Variants in CD22 observed in about 807,000 individuals in gnomAD.
CD22 encodes the protein CD22 molecule.
A neutral mutation model predicts 94.7 loss-of-function variants in CD22; 51 were observed. That is an observed-to-expected ratio of 0.54 (90% CI 0.43 to 0.68). The LOEUF (loss-of-function observed/expected upper bound fraction) is 0.68. Ranked by LOEUF, CD22 falls within the 30% of genes least tolerant of loss-of-function variation. The probability of loss-of-function intolerance (pLI) is 0.00; values close to 1 mark genes in which losing one functional copy is unlikely to be tolerated. For missense variants in CD22, 931 were observed against 1,060.4 expected (o/e 0.88, Z 1.69); for synonymous variants, 424 against 422.5 (o/e 1.00, Z -0.04).
At chr19:35,345,474 G>A (rs2066891297) in intron 11 of CD22, 128 bp from the exon 12 acceptor site, 1 of 644,120 alleles carries the variant, frequency 1.6e-6, no homozygotes, top group Non-Finnish European at 2.8e-6. Flanking sequence ...CTGTGAAGCT[G>A]AGTGGGGAAA....
In CD22 at chr19:35,341,641, G is replaced by T; in HGVS notation, c.1771+35G>T. ...GGCCGGAGGCTGGGAGTGGAGCAGA[G>T]AAGGGACCAGTGGCCTGCCTGGTAG... On this transcript the variant is annotated intron_variant, in intron 8 of 13. Transcript: ENST00000085219. This position sits in a 1 kb window ranked among gnomAD's most constrained non-coding sequence, Gnocchi z 4.0. 6.2e-7 allele frequency: 1 copy of T among 1,607,786 alleles called. No homozygotes were observed. The highest frequency in any genetic ancestry group is 8.5e-7 in the Non-Finnish European group (1 of 1,175,724).
Position 35,341,654 on chromosome 19 carries a change from G to A in CD22, c.1771+48G>A, listed in dbSNP as rs377296884. The stretch of plus-strand genomic sequence containing the variant: ...GAGTGGAGCAGAGAAGGGACCAGTG[G>A]CCTGCCTGGTAGTGACTTCGCACCC... On this transcript the variant is annotated intron_variant, in intron 8 of 13. Transcript: ENST00000085219. This position sits in a 1 kb window ranked among gnomAD's most constrained non-coding sequence, Gnocchi z 4.0. 4.5e-5 allele frequency: 73 copies of A among 1,606,710 alleles called. No homozygotes were observed. The African/African-American group carries it at 9.1e-4, about 20-fold the overall frequency.
Position 35,337,363 on chromosome 19 carries a change from C to A in CD22, c.719-392C>A, listed in dbSNP as rs1038460201. ...GAAGGGCAGGTTCAAAGCTTTGAGG[C>A]AGCAGCTGGGTGGGAGGACCTCAGA... On this transcript the variant is annotated intron_variant, in intron 4 of 13. Transcript: ENST00000085219. This position sits in a 1 kb window ranked among gnomAD's most constrained non-coding sequence, Gnocchi z 4.4. Among the ~76,000 whole-genome samples the A allele has an allele frequency of 6.6e-6, 1 of 152,152 alleles. No homozygotes were observed. Among genetic ancestry groups the A allele is most frequent in the Non-Finnish European group, 1.5e-5 (1 of 68,020 alleles).
rs1254602908 is a variant in CD22 at position 35,336,031 on chromosome 19, T to C, written c.413-5T>C. ...GGCTCCTGCACGGGCTCTGTTCTTT[T>C]GCAGAAAGGCCTTTTCCACCTCATA... On this transcript the variant is annotated splice_polypyrimidine_tract_variant and splice_region_variant and intron_variant, in intron 3 of 13. Transcript: ENST00000085219. 1 of 1,611,538 alleles carries C rather than the reference T, an allele frequency of 6.2e-7. No homozygotes were observed. Among genetic ancestry groups the C allele is most frequent in the Admixed American group, 1.7e-5 (1 of 59,774 alleles).
In CD22 at chr19:35,337,193, C is replaced by T. The variant is rs1248194196; in HGVS notation, c.719-562C>T. ...GGCGGAGCTTGCAGTGAGCTGAGAT[C>T]GCACCACTGCACTCCAACCTGGGTG... On this transcript the variant is annotated intron_variant, in intron 4 of 13. Coordinates refer to ENST00000085219, the MANE Select transcript of CD22 (RefSeq NM_001771.4). This position sits in a 1 kb window ranked among gnomAD's most constrained non-coding sequence, Gnocchi z 4.4. Among the ~76,000 whole-genome samples, 3 of 151,576 alleles carry T rather than the reference C, an allele frequency of 2.0e-5. No individual in the cohort carries two copies. Among genetic ancestry groups the T allele is most frequent in the Non-Finnish European group, 1.5e-5 (1 of 67,956 alleles).
chr19:35,343,432 A>G (rs2145676504), intron 9 of CD22, among the ~76,000 whole-genome samples: 1 of 152,218 alleles, frequency 6.6e-6, no homozygotes, highest in East Asian at 1.9e-4. Flanking sequence ...GGTATTTTTC[A>G]CACGCACAAT....
chr19:35,335,989 A>AGT, intron 3 of CD22, 47 bp from the exon 4 acceptor site: 1 of 1,539,426 alleles, frequency 6.5e-7, no homozygotes, highest in Non-Finnish European at 8.9e-7. Context: ...GTGTACGCTC[A>AGT]CGTCCTCAGT....
At chr19:35,343,045 G>A (rs376588372) in intron 9 of CD22, among the ~76,000 whole-genome samples, 13 of 151,540 alleles carry the variant, frequency 8.6e-5, no homozygotes, top group Admixed American at 2.0e-4. Flanking sequence ...TGATCCGCTC[G>A]CCTCGGCCTT....
intron 12 of CD22, 144 bp downstream of exon 12, chr19:35,345,864 C>T (rs924874466): frequency 2.9e-6 from 2 of 694,140 alleles, no homozygotes; most frequent in African/African-American, 1.8e-5. Flanking sequence ...CAACAAGCCT[C>T]TGGGTAAGGG....
At position 35,346,228 on chromosome 19, in the gene CD22, G is replaced by A. The variant is rs779809517; in HGVS notation, c.2405G>A (p.Arg802His). ...DTVTYSALHK[R>H]QVGDYENVIP... ...GTCACTTATTCAGCATTGCACAAGC[G>A]CCAAGTGGTAAGGAGGGTCTCCCCA... Residue 802 changes from arginine to histidine, a missense_variant, in exon 13 of 14, where the codon CGC (arginine) becomes CAC (histidine). Arg to His is a conservative substitution (Grantham distance 29, BLOSUM62 0). Transcript: ENST00000085219. 34 of 1,613,444 alleles carry A rather than the reference G, an allele frequency of 2.1e-5. No homozygotes were observed. The African/African-American group carries it at 2.1e-4, about 10-fold the overall frequency.
At position 35,341,783 on chromosome 19, in the gene CD22, G is replaced by A; in HGVS notation, c.1853G>A (p.Ser618Asn). 1.2e-6 allele frequency: 2 copies of A among 1,613,154 alleles called. No homozygotes were observed. Among genetic ancestry groups the A allele is most frequent in the Non-Finnish European group, 1.7e-6 (2 of 1,179,988 alleles). ...EGKSATLTCESDANPPVSHYT... is the reference protein window; with the variant it reads ...EGKSATLTCENDANPPVSHYT... Reference sequence around the variant, plus strand: ...AAGAGTGCAACCCTGACCTGTGAGAGCGACGCCAACCCTCCCGTCTCCCAC... The same window carrying A: ...AAGAGTGCAACCCTGACCTGTGAGAACGACGCCAACCCTCCCGTCTCCCAC... The change falls in exon 9 of 14, where the codon AGC (serine) becomes AAC (asparagine). Residue 618 changes from serine (S) to asparagine (N), a missense_variant. By Grantham distance (46) the Ser-to-Asn change is conservative. Transcript: ENST00000085219. This position sits in a 1 kb window ranked among gnomAD's most constrained non-coding sequence, Gnocchi z 4.0.
At chr19:35,345,437 A>G in intron 11 of CD22, 165 bp from the exon 12 acceptor site, 1 of 550,904 alleles carries the variant, frequency 1.8e-6, no homozygotes, top group East Asian at 3.1e-5. Flanking sequence ...AAAAAAAAAA[A>G]AAAAAAAAGG....
chr19:35,333,252 C>T (rs550997671), intron 3 of CD22, among the ~76,000 whole-genome samples: 7 of 152,288 alleles, frequency 4.6e-5, no homozygotes, highest in Non-Finnish European at 7.4e-5. Flanking sequence ...ATCCAAGCAC[C>T]GCATTCCTTT....
At chr19:35,334,969 T>C (rs2066698150) in intron 3 of CD22, among the ~76,000 whole-genome samples, 1 of 150,600 alleles carries the variant, frequency 6.6e-6, no homozygotes, top group Non-Finnish European at 1.5e-5. Context: ...TCCCAGCTAC[T>C]CAGGAGGCTG....
rs1440441089 is a variant in CD22 at position 35,337,046 on chromosome 19, T to C, written c.718+705T>C. The stretch of plus-strand genomic sequence containing the variant: ...CAAGGTCAGGAGATCGAGACCATCC[T>C]GGCTAACATGGTGAAACCCCATCTC... On this transcript the variant is annotated intron_variant, in intron 4 of 13. Transcript: ENST00000085219. The surrounding 1 kb of genome is among the most constrained non-coding windows in gnomAD (Gnocchi z 4.4). Among the ~76,000 whole-genome samples the C allele has an allele frequency of 1.3e-5, 2 of 152,118 alleles. No individual in the cohort carries two copies. The highest frequency in any genetic ancestry group is 4.8e-5 in the African/African-American group (2 of 41,430).
At chr19:35,345,754 C>T in intron 12 of CD22, 34 bp downstream of exon 12, 1 of 1,441,718 alleles carries the variant, frequency 6.9e-7, no homozygotes, top group Non-Finnish European at 9.8e-7. Flanking sequence ...ACCCTGCACC[C>T]TGGGAGGGAG....
chr19:35,341,061 G>T lies in CD22; in HGVS notation c.1430G>T (p.Trp477Leu). ...GTGCTGAAGATCCAAAACGTTGGCT[G>T]GGACAACACAACCATCGCCTGCGCA... ...LGVLKIQNVG[W>L]DNTTIACAAC... is the part of the protein sequence containing the mutation. The change falls in exon 7 of 14, where the codon TGG (tryptophan) becomes TTG (leucine). Residue 477 changes from tryptophan to leucine, a missense_variant. By Grantham distance (61) the Trp-to-Leu change is moderately conservative (BLOSUM62 -2). Transcript: ENST00000085219. The surrounding 1 kb of genome is among the most constrained non-coding windows in gnomAD (Gnocchi z 4.0). The T allele has an allele frequency of 5.0e-6, 8 of 1,614,190 alleles. No individual in the cohort carries two copies. The highest frequency in any genetic ancestry group is 5.9e-6 in the Non-Finnish European group (7 of 1,180,028).
At chr19:35,340,754 C>G (rs78247965) in intron 6 of CD22, 127 bp from the exon 7 acceptor site, 5 of 982,080 alleles carry the variant, frequency 5.1e-6, no homozygotes, top group Non-Finnish European at 7.6e-6. Flanking sequence ...GACGCACAAG[C>G]CCCCCTTTGA....
chr19:35,334,684 C>A (rs925932822), intron 3 of CD22, among the ~76,000 whole-genome samples: 1 of 152,146 alleles, frequency 6.6e-6, no homozygotes, highest in Non-Finnish European at 1.5e-5. Context: ...TAAAGGAATG[C>A]GGTGCGTGGA....
Sources: allele counts gnomAD v4.1 joint callset (sites outside exome capture counted in the v4.1 genomes callset), GRCh38; gene constraint gnomAD v4.1.1; non-coding constraint Gnocchi (gnomAD v3.1); transcripts MANE v1.5; gene names NCBI Gene and HGNC (gene_info 2026-07-23, HGNC 2026-07-21).